The following CLPB variants were observed in gnomAD, a reference collection of about 807,000 sequenced individuals.
CLPB encodes the protein mitochondrial disaggregase.
Under a neutral mutation model 78.4 loss-of-function variants are expected in CLPB, and 40 were observed. The ratio of observed to expected loss-of-function variants is 0.51; its 90% CI spans 0.40 to 0.66. CLPB has a LOEUF of 0.66. Among genes scored for constraint, CLPB ranks in the 30% least tolerant of loss-of-function variants. The pLI, the probability that CLPB is intolerant of heterozygous loss-of-function variation, is 0.00. For missense variants in CLPB, 780 were observed against 886.9 expected (o/e 0.88, Z 1.53); for synonymous variants, 333 against 348.0 (o/e 0.96, Z 0.48).
In CLPB at chr11:72,402,957, G is replaced by A; in HGVS notation, c.542+9C>T. Reference sequence around the variant, plus strand: ...CTAAAGGAGCCCTGTGTGGAAGGTGGTCTCTCACCTGTTGTTTCGGTTGAT... The same window carrying A: ...CTAAAGGAGCCCTGTGTGGAAGGTGATCTCTCACCTGTTGTTTCGGTTGAT... On this transcript the variant is annotated intron_variant, in intron 3 of 15. Coordinates refer to ENST00000538039, the MANE Select transcript of CLPB (RefSeq NM_001258392.3). 6.2e-7 allele frequency: 1 copy of A among 1,612,922 alleles called. No individual in the cohort carries two copies. Among genetic ancestry groups the A allele is most frequent in the African/African-American group, 1.3e-5 (1 of 75,034 alleles).
At chr11:72,382,541 T>TCCA (rs939045701) in intron 3 of CLPB, among the ~76,000 whole-genome samples, 7 of 151,632 alleles carry the variant, frequency 4.6e-5, no homozygotes, top group African/African-American at 1.7e-4. Flanking sequence ...AATCAATAGG[T>TCCA]CCACTCCAGT....
intron 3 of CLPB, among the ~76,000 whole-genome samples, chr11:72,385,150 T>A (rs1855038191): frequency 6.6e-6 from 1 of 152,206 alleles, no homozygotes; most frequent in Non-Finnish European, 1.5e-5. Context: ...ATCTCCTTAG[T>A]CCAAATTCCA....
At chr11:72,356,224 G>A (rs1440091625) in intron 5 of CLPB, among the ~76,000 whole-genome samples, 3 of 151,036 alleles carry the variant, frequency 2.0e-5, no homozygotes, top group South Asian at 2.1e-4. Context: ...GTTGTGGCAA[G>A]CCGAGATCGC....
intron 1 of CLPB, among the ~76,000 whole-genome samples, chr11:72,432,480 A>G (rs1856574244): frequency 6.6e-6 from 1 of 152,012 alleles, no homozygotes; most frequent in African/African-American, 2.4e-5. Context: ...TCCTGACCCT[A>G]CTGGCCCTCT....
intron 10 of CLPB, 154 bp downstream of exon 10, chr11:72,302,150 T>C (rs899614843): frequency 2.1e-6 from 2 of 973,662 alleles, no homozygotes; most frequent in African/African-American, 1.6e-5. Flanking sequence ...GCAAATCCTA[T>C]GTGAAACAAA....
At position 72,294,098 on chromosome 11, in the gene CLPB, A is replaced by G; in HGVS notation, c.1709T>C (p.Leu570Pro). The change falls in exon 15 of 16, where the codon CTC (leucine) becomes CCC (proline). Residue 570 changes from leucine (L) to proline (P), a missense_variant. Coordinates refer to ENST00000538039, the MANE Select transcript of CLPB (RefSeq NM_001258392.3). Reference sequence around the variant, plus strand: ...CACATCTGCCACCTCGCGGTCCCAGAGCAGCGTGATGTTGTGCCTTTGCTT... The same window carrying G: ...CACATCTGCCACCTCGCGGTCCCAGGGCAGCGTGATGTTGTGCCTTTGCTT... Reference protein sequence around the residue: ...RAKQRHNITLLWDREVADVLV... With the variant: ...RAKQRHNITLPWDREVADVLV... 6.2e-7 allele frequency: 1 copy of G among 1,614,144 alleles called. No homozygotes were observed. The highest frequency in any genetic ancestry group is 8.5e-7 in the Non-Finnish European group (1 of 1,180,004).
At chr11:72,296,293 T>C (rs930055891) in intron 11 of CLPB, among the ~76,000 whole-genome samples, 5 of 152,206 alleles carry the variant, frequency 3.3e-5, no homozygotes, top group African/African-American at 7.2e-5. Context: ...CTTTTATCTT[T>C]GGAGCTGCCG....
At chr11:72,347,471 A>G (rs764470667) in intron 5 of CLPB, among the ~76,000 whole-genome samples, 18 of 152,180 alleles carry the variant, frequency 1.2e-4, no homozygotes, top group Non-Finnish European at 2.2e-4. Context: ...ACCAAAAGCT[A>G]TCTCTTCATA....
intron 5 of CLPB, among the ~76,000 whole-genome samples, chr11:72,348,333 G>T (rs1048303291): frequency 1.3e-5 from 2 of 151,820 alleles, no homozygotes; most frequent in African/African-American, 4.8e-5. Flanking sequence ...CACTTCAGGA[G>T]CTCTCTATGG....
rs1383809151 is a variant in CLPB at position 72,289,365 on chromosome 11, G to A, written c.*4002C>T. 1.3e-5 allele frequency: 2 copies of A among 152,134 alleles called. No individual in the cohort carries two copies. Among genetic ancestry groups the A allele is most frequent in the Non-Finnish European group, 2.9e-5 (2 of 68,022 alleles). The allele number at this position is 152,134 out of a possible 1,614,324, so 9.4% of individuals were successfully genotyped here. The stretch of plus-strand genomic sequence containing the variant: ...CCAACGGACTGACAGCCGGGCATAA[G>A]ACCTCTATCTAGTAGGAATACTGCA... On this transcript the variant is annotated 3_prime_UTR_variant, in exon 16 of 16. Coordinates refer to ENST00000538039, the MANE Select transcript of CLPB (RefSeq NM_001258392.3).
At chr11:72,428,369 G>A (rs981347838) in intron 2 of CLPB, among the ~76,000 whole-genome samples, 6 of 152,034 alleles carry the variant, frequency 3.9e-5, no homozygotes, top group South Asian at 2.1e-4. Flanking sequence ...AACTTCCCAC[G>A]TCTCCCCACT....
At position 72,359,023 on chromosome 11, in the gene CLPB, A is replaced by G. The variant is rs1950781903; in HGVS notation, c.647-15T>C. 1 of 1,612,950 alleles carries G rather than the reference A, an allele frequency of 6.2e-7. No individual in the cohort carries two copies. Among genetic ancestry groups the G allele is most frequent in the African/African-American group, 1.3e-5 (1 of 74,880 alleles). ...GGTGATCAGGACTGGGGAGACAGCA[A>G]CACAAACCCTTCCATTAGCAACGAC... On this transcript the variant is annotated splice_polypyrimidine_tract_variant and intron_variant, in intron 4 of 15. Transcript: ENST00000538039.
intron 4 of CLPB, among the ~76,000 whole-genome samples, chr11:72,368,885 G>C (rs1375494200): frequency 6.6e-6 from 1 of 152,178 alleles, no homozygotes; most frequent in African/African-American, 2.4e-5. Context: ...CCATGGACTG[G>C]AAGTTTTCTC....
At position 72,432,224 on chromosome 11, in the gene CLPB, C is replaced by T. The variant is rs1856567184; in HGVS notation, c.403+1848G>A. Among the ~76,000 whole-genome samples, 3 of 152,184 alleles carry T rather than the reference C, an allele frequency of 2.0e-5. No individual in the cohort carries two copies. The East Asian group carries it at 5.8e-4, about 29-fold the overall frequency. On this transcript the variant is annotated intron_variant, in intron 1 of 15. Transcript: ENST00000538039. ...TTATTTCCATTCCCTGAAGCCTTTG[C>T]ATGGAATATAATCCAACTCTCACAC...
chr11:72,419,154 T>A (rs919135370), intron 2 of CLPB, among the ~76,000 whole-genome samples: 25 of 152,232 alleles, frequency 1.6e-4, no homozygotes, highest in Non-Finnish European at 3.2e-4. Flanking sequence ...CTTAGATTCA[T>A]CTCTGTTCCT....
At chr11:72,410,959 T>C (rs1262069148) in intron 2 of CLPB, 1 of 151,814 alleles carries the variant, frequency 6.6e-6, no homozygotes, top group Non-Finnish European at 1.5e-5. Flanking sequence ...AAAACTTTCT[T>C]AGGAAAAAAA....
chr11:72,417,493 T>C (rs2135128255), intron 2 of CLPB, among the ~76,000 whole-genome samples: 1 of 151,766 alleles, frequency 6.6e-6, no homozygotes, highest in Non-Finnish European at 1.5e-5. Context: ...CGGGGTGGGG[T>C]GGGAGAGTGA....
chr11:72,293,973 T>G (rs896912350), intron 15 of CLPB, 49 bp downstream of exon 15: 9 of 1,523,024 alleles, frequency 5.9e-6, no homozygotes, highest in Non-Finnish European at 8.1e-6. Context: ...TGGGGGGCCC[T>G]GGGGAGGGAG....
intron 5 of CLPB, chr11:72,357,102 C>T (rs1044212791): frequency 6.6e-6 from 1 of 152,232 alleles, no homozygotes. Context: ...GTAGTCCTGC[C>T]CTTCAGTGGC....
Sources: allele counts gnomAD v4.1 joint callset (sites outside exome capture counted in the v4.1 genomes callset), GRCh38; gene constraint gnomAD v4.1.1; transcripts MANE v1.5; gene names NCBI Gene and HGNC (gene_info 2026-07-23, HGNC 2026-07-21).